The following NDUFAF7 variants were observed in gnomAD, a reference collection of about 807,000 sequenced individuals.
NDUFAF7 encodes protein arginine methyltransferase NDUFAF7, mitochondrial.
Under a neutral mutation model 47.2 loss-of-function variants are expected in NDUFAF7, and 48 were observed. The observed-to-expected ratio is 1.02, with a 90% confidence interval of 0.81 to 1.29. The LOEUF is 1.29. Among genes scored for constraint, NDUFAF7 ranks in the 50% most tolerant of loss-of-function variants. The pLI is 0.00. For missense variants in NDUFAF7, 635 were observed against 537.6 expected (o/e 1.18, Z -1.79); for synonymous variants, 217 against 190.0 (o/e 1.14, Z -1.17).
chr2:37,253,523 C>T, downstream of NDUFAF7: 1 of 482,142 alleles, frequency 2.1e-6, no homozygotes. Flanking sequence ...TTTAAATGAG[C>T]AATTTAAAGA....
chr2:37,239,145 G>T (rs1375792896), intron 4 of NDUFAF7, among the ~76,000 whole-genome samples: 3 of 136,784 alleles, frequency 2.2e-5, no homozygotes, highest in African/African-American at 8.3e-5. Context: ...TTGAGACACA[G>T]TCTCACTTTG....
the NDUFAF7 span, among the ~76,000 whole-genome samples, chr2:37,261,571 G>T: frequency 1.3e-5 from 2 of 151,778 alleles, no homozygotes; most frequent in African/African-American, 2.4e-5. Context: ...ACCTGAGATC[G>T]GGAGTTCGAG....
intron 5 of NDUFAF7, 139 bp from the exon 6 acceptor site, chr2:37,242,496 A>C (rs979910161): frequency 4.4e-6 from 3 of 676,596 alleles, no homozygotes; most frequent in Non-Finnish European, 7.9e-6. Context: ...TCTGCAGTGT[A>C]AGTTTTCCAT....
chr2:37,231,838 A>G, intron 1 of NDUFAF7, 78 bp downstream of exon 1: 1 of 1,602,536 alleles, frequency 6.2e-7, no homozygotes, highest in East Asian at 2.3e-5. Flanking sequence ...AGTTGAGGGT[A>G]CCGGGGGATC....
At chr2:37,261,219 G>C in the NDUFAF7 span, among the ~76,000 whole-genome samples, 1 of 152,208 alleles carries the variant, frequency 6.6e-6, no homozygotes, top group Non-Finnish European at 1.5e-5. Context: ...GGGTGTGGTG[G>C]CTCACGCCTG....
the NDUFAF7 span, among the ~76,000 whole-genome samples, chr2:37,262,355 T>C: frequency 2.0e-5 from 3 of 152,230 alleles, no homozygotes; most frequent in Admixed American, 2.0e-4. Flanking sequence ...ATAAACTCTC[T>C]GAGGCACAGA....
At chr2:37,245,651 TTGAC>T (rs1666822547) in intron 7 of NDUFAF7, among the ~76,000 whole-genome samples, 1 of 150,312 alleles carries the variant, frequency 6.7e-6, no homozygotes, top group East Asian at 2.0e-4. Flanking sequence ...AATATTTTCA[TTGAC>T]TGTTATGTGC....
chr2:37,246,932 G>C (rs1015133770), intron 8 of NDUFAF7, among the ~76,000 whole-genome samples: 4 of 152,164 alleles, frequency 2.6e-5, no homozygotes, highest in African/African-American at 9.6e-5. Flanking sequence ...AGGCAGGTTT[G>C]TTATTTGTTA....
At chr2:37,269,142 C>A in the NDUFAF7 span, 1 of 174,174 alleles carries the variant, frequency 5.7e-6, no homozygotes, top group South Asian at 1.4e-4. Context: ...GTTGAAGATG[C>A]TAACGCACAG....
chr2:37,257,097 AG>A (rs1668014352), downstream of NDUFAF7, among the ~76,000 whole-genome samples: 1 of 152,218 alleles, frequency 6.6e-6, no homozygotes, highest in South Asian at 2.1e-4. Flanking sequence ...CTCAAAAGGC[AG>A]ACACATTTAT....
intron 4 of NDUFAF7, among the ~76,000 whole-genome samples, chr2:37,238,788 A>G (rs1666054911): frequency 6.6e-6 from 1 of 152,112 alleles, no homozygotes; most frequent in Non-Finnish European, 1.5e-5. Context: ...ACTAGTAGTT[A>G]GAATTATTTA....
At chr2:37,270,484 GC>G in the NDUFAF7 span, among the ~76,000 whole-genome samples, 2 of 151,494 alleles carry the variant, frequency 1.3e-5, no homozygotes, top group Non-Finnish European at 2.9e-5. Flanking sequence ...ACTGCTCTTC[GC>G]CCCCTTCCCT....
At chr2:37,266,539 T>A in the NDUFAF7 span, among the ~76,000 whole-genome samples, 4 of 150,862 alleles carry the variant, frequency 2.7e-5, no homozygotes, top group Admixed American at 6.7e-5. Flanking sequence ...CAGGCTGGAG[T>A]GCAATGGCAC....
At chr2:37,264,813 C>T in the NDUFAF7 span, among the ~76,000 whole-genome samples, 1 of 151,986 alleles carries the variant, frequency 6.6e-6, no homozygotes, top group East Asian at 1.9e-4. Context: ...GATTTTGATT[C>T]ACTTTCATAA....
At chr2:37,243,142 T>A (rs960222426) in intron 6 of NDUFAF7, among the ~76,000 whole-genome samples, 12 of 152,182 alleles carry the variant, frequency 7.9e-5, no homozygotes, top group East Asian at 5.8e-4. Flanking sequence ...TAGCACATTT[T>A]AAAAAATTAT....
chr2:37,245,384 A>T (rs17038876), intron 7 of NDUFAF7, among the ~76,000 whole-genome samples: 1 of 152,182 alleles, frequency 6.6e-6, no homozygotes, highest in African/African-American at 2.4e-5. Flanking sequence ...CATATATACT[A>T]GTCAGGTTGA....
chr2:37,245,384 A>G (rs17038876), intron 7 of NDUFAF7, among the ~76,000 whole-genome samples: 10,833 of 152,286 alleles, frequency 0.071, 778 homozygotes, highest in East Asian at 0.3. Flanking sequence ...CATATATACT[A>G]GTCAGGTTGA....
chr2:37,269,362 ATG>A, the NDUFAF7 span: 2 of 464,242 alleles, frequency 4.3e-6, no homozygotes, highest in Non-Finnish European at 7.9e-6. Flanking sequence ...AAACATCTGT[ATG>A]TGTGAGCTAC....
rs984429034 is a variant in NDUFAF7, at chr2:37,248,264, C to A, written c.1240C>A (p.Gln414Lys). The change falls in exon 10 of 10, where the codon CAA becomes AAA. Residue 414 changes from glutamine to lysine, a missense_variant. By Grantham distance (53) the Gln-to-Lys change is moderately conservative. Coordinates refer to ENST00000002125, the MANE Select transcript of NDUFAF7 (RefSeq NM_144736.5). ...TGCCTTGCTACCTCATCAGAGACTT[C>A]AAGGTGGAAGATATCAGAGGAATGC... ...FFALLPHQRL[Q>K]GGRYQRNARQ... is the part of the protein sequence containing the mutation. The A allele has an allele frequency of 6.2e-6, 10 of 1,613,928 alleles. No homozygotes were observed. In the African/African-American group the frequency reaches 1.2e-4, roughly 19 times the overall value.
Sources: gnomAD v4.1 joint callset for allele counts (sites outside exome capture counted in the v4.1 genomes callset) on GRCh38, gnomAD v4.1.1 for gene constraint, MANE v1.5 for transcripts, NCBI Gene and HGNC (gene_info 2026-07-23, HGNC 2026-07-21) for gene names.